MRPS5: variants seen among roughly 807,000 people sequenced by gnomAD.
MRPS5 encodes the protein small ribosomal subunit protein uS5m.
In MRPS5, 27 loss-of-function variants were observed where a neutral mutation model predicts 51.9. The observed-to-expected ratio is 0.52, with a 90% CI of 0.38 to 0.72. The LOEUF is 0.72. Ranked by LOEUF, MRPS5 falls within the 30% of genes least tolerant of loss-of-function variation. The pLI, the probability that MRPS5 is intolerant of heterozygous loss-of-function variation, is 0.00. For missense variants in MRPS5, 570 were observed against 545.7 expected, an observed-to-expected ratio of 1.04 and a Z score of -0.44; for synonymous variants, 196 against 193.2, an observed-to-expected ratio of 1.01 and a Z score of -0.12.
At chr2:95,101,585 C>A in intron 8 of MRPS5, 92 bp downstream of exon 8, 1 of 1,050,688 alleles carries the variant, frequency 9.5e-7, no homozygotes, top group Non-Finnish European at 1.4e-6. Context: ...GGTTCTGGGA[C>A]AAATTATTAT....
In MRPS5 at chr2:95,098,604, G is replaced by A. The variant is rs191959548; in HGVS notation, c.931+1870C>T. ...TCTCAAGGACAGAAAACCAAACACC[G>A]CATGTTCTCACTCATAGGTGGGAAC... On this transcript the variant is annotated intron_variant, in intron 10 of 11. Coordinates refer to ENST00000272418, the MANE Select transcript of MRPS5 (RefSeq NM_031902.5). 6.5e-3 allele frequency among the ~76,000 whole-genome samples: 993 copies of A among 152,134 alleles called. 10 individuals carry two copies. Among genetic ancestry groups the A allele is most frequent in the African/African-American group, 0.023 (952 of 41,498 alleles).
At chr2:95,113,914 G>C (rs1206488749) in intron 3 of MRPS5, among the ~76,000 whole-genome samples, 1 of 151,848 alleles carries the variant, frequency 6.6e-6, no homozygotes, top group Non-Finnish European at 1.5e-5. Context: ...AAGTTCAAGA[G>C]ATCAAGACCA....
At chr2:95,108,557 A>C in intron 4 of MRPS5, 149 bp from the exon 5 acceptor site, 1 of 675,714 alleles carries the variant, frequency 1.5e-6, no homozygotes, top group Non-Finnish European at 2.4e-6. Context: ...CACTTGGCAC[A>C]ATCAAAATTT....
chr2:95,112,257 G>T (rs963839945), intron 3 of MRPS5, among the ~76,000 whole-genome samples: 1 of 152,030 alleles, frequency 6.6e-6, no homozygotes, highest in African/African-American at 2.4e-5. Flanking sequence ...TAGAGACGGG[G>T]TTTCACCATA....
At chr2:95,096,311 G>A (rs1242988606) in intron 10 of MRPS5, among the ~76,000 whole-genome samples, 2 of 152,170 alleles carry the variant, frequency 1.3e-5, no homozygotes, top group Admixed American at 6.6e-5. Flanking sequence ...TAGAAAAAGA[G>A]GGAATCCTCC....
intron 11 of MRPS5, 61 bp downstream of exon 11, chr2:95,090,325 C>A: frequency 6.3e-7 from 1 of 1,589,134 alleles, no homozygotes; most frequent in South Asian, 1.1e-5. Flanking sequence ...CATCGTAGCC[C>A]CAACACACAC....
At chr2:95,090,338 C>G in intron 11 of MRPS5, 48 bp downstream of exon 11, 1 of 1,604,160 alleles carries the variant, frequency 6.2e-7, no homozygotes. Context: ...ACACACACAA[C>G]TGAAATACAA....
Position 95,101,673 on chromosome 2 carries a change from A to G in MRPS5, c.810+4T>C. On this transcript the variant is annotated splice_donor_region_variant and intron_variant, in intron 8 of 11. Transcript: ENST00000272418. ...GTGTCAACAAAGAAAAAAAATGTACATACTTTCCTGAAAGCATCCATCCGA... is the reference window on the plus strand; with the variant it reads ...GTGTCAACAAAGAAAAAAAATGTACGTACTTTCCTGAAAGCATCCATCCGA... 2 of 1,595,434 alleles carry G rather than the reference A, an allele frequency of 1.3e-6. No homozygotes were observed. The highest frequency in any genetic ancestry group is 2.3e-5 in the South Asian group (2 of 86,894).
At chr2:95,089,903 C>A (rs1012123172) in intron 11 of MRPS5, among the ~76,000 whole-genome samples, 1 of 152,094 alleles carries the variant, frequency 6.6e-6, no homozygotes, top group Non-Finnish European at 1.5e-5. Flanking sequence ...TCAGGCCGGG[C>A]GCGGTGGCTC....
intron 7 of MRPS5, among the ~76,000 whole-genome samples, chr2:95,102,352 T>C (rs1220589861): frequency 1.3e-5 from 2 of 152,158 alleles, no homozygotes; most frequent in African/African-American, 4.8e-5. Flanking sequence ...ACTTTGAACA[T>C]TTAAAGATAG....
chr2:95,108,512 C>T (rs1676019730), intron 4 of MRPS5, 104 bp from the exon 5 acceptor site: 4 of 930,960 alleles, frequency 4.3e-6, no homozygotes, highest in Admixed American at 2.6e-5. Context: ...ACACTGTTCA[C>T]TGGAGCTTAA....
intron 9 of MRPS5, 25 bp from the exon 10 acceptor site, chr2:95,100,561 A>G (rs1173984131): frequency 6.5e-7 from 1 of 1,549,518 alleles, no homozygotes; most frequent in Non-Finnish European, 8.9e-7. Context: ...CATAAACACA[A>G]GAGGATTAGG....
chr2:95,098,995 T>G (rs915402605), intron 10 of MRPS5, among the ~76,000 whole-genome samples: 41 of 150,562 alleles, frequency 2.7e-4, no homozygotes, highest in Non-Finnish European at 5.3e-4. Context: ...CTCGGCTCAC[T>G]GCAAGTTCCA....
In MRPS5 at chr2:95,117,249, T is replaced by A. The variant is rs368884044; in HGVS notation, c.139+616A>T. Among the ~76,000 whole-genome samples, 10 of 152,088 alleles carry A rather than the reference T, an allele frequency of 6.6e-5. No individual in the cohort carries two copies. The East Asian group carries it at 1.2e-3, about 18-fold the overall frequency. On this transcript the variant is annotated intron_variant, in intron 2 of 11. Transcript: ENST00000272418. ...CTTCTTCCTCCTAATTTAAATCTCC[T>A]CTATTAAATCAAACCAGCTGATCAG...
At chr2:95,114,987 T>C (rs1676242811) in intron 3 of MRPS5, 79 bp downstream of exon 3, 1 of 1,314,498 alleles carries the variant, frequency 7.6e-7, no homozygotes, top group Non-Finnish European at 1.0e-6. Flanking sequence ...TTAATTCATG[T>C]AAAAAAGAAG....
chr2:95,114,959 A>C, intron 3 of MRPS5, 107 bp downstream of exon 3: 1 of 1,038,620 alleles, frequency 9.6e-7, no homozygotes, highest in East Asian at 2.7e-5. Context: ...AGTACATTGT[A>C]AACTAATCAC....
At chr2:95,112,066 G>T (rs1376478185) in intron 3 of MRPS5, among the ~76,000 whole-genome samples, 5 of 151,864 alleles carry the variant, frequency 3.3e-5, no homozygotes, top group Non-Finnish European at 7.4e-5. Context: ...TTAAGTTCAT[G>T]TTTTGTTTTT....
rs559458110 is a variant in MRPS5 at position 95,098,323 on chromosome 2, A to G, written c.931+2151T>C. Among the ~76,000 whole-genome samples, 3 of 152,358 alleles carry G rather than the reference A, an allele frequency of 2.0e-5. No homozygotes were observed. The East Asian group carries it at 5.8e-4, about 29-fold the overall frequency. On this transcript the variant is annotated intron_variant, in intron 10 of 11. Transcript: ENST00000272418. ...TAGAACTAGAAATACCATTTGACCC[A>G]GCCATCCCATTACTGGGTATATACC...
intron 2 of MRPS5, among the ~76,000 whole-genome samples, chr2:95,116,573 TACTC>T (rs1374034121): frequency 1.3e-5 from 2 of 152,266 alleles, no homozygotes; most frequent in Non-Finnish European, 2.9e-5. Context: ...TATGCTAAAT[TACTC>T]AGTTACAGAT....
Sources: allele counts gnomAD v4.1 joint callset (sites outside exome capture counted in the v4.1 genomes callset), GRCh38; gene constraint gnomAD v4.1.1; transcripts MANE v1.5; gene names NCBI Gene and HGNC (gene_info 2026-07-23, HGNC 2026-07-21).